LRCH3: variants seen among roughly 807,000 people sequenced by gnomAD.
The protein encoded by LRCH3 is DISP complex protein LRCH3.
LRCH3 carries 68 observed loss-of-function variants against 104.5 expected under a neutral mutation model. The ratio of observed to expected loss-of-function variants is 0.65; its 90% CI spans 0.54 to 0.80. LRCH3 has a LOEUF of 0.80. LRCH3 is among the 30% of genes least tolerant of loss of function. The pLI is 0.00. For missense variants in LRCH3, 951 were observed against 953.9 expected (o/e 1.00, Z 0.04); for synonymous variants, 344 against 361.3 (o/e 0.95, Z 0.54).
intron 1 of LRCH3, among the ~76,000 whole-genome samples, chr3:197,800,200 CAAAA>C (rs1374120859): frequency 7.1e-6 from 1 of 140,814 alleles, no homozygotes; most frequent in Non-Finnish European, 1.6e-5. Flanking sequence ...GAGACTGTCT[CAAAA>C]AAAAAAACCC....
At chr3:197,805,711 G>A (rs898767437) in intron 1 of LRCH3, among the ~76,000 whole-genome samples, 1 of 151,628 alleles carries the variant, frequency 6.6e-6, no homozygotes, top group Admixed American at 6.6e-5. Context: ...CCGACATGCA[G>A]AATGGTAAGA....
At chr3:197,818,180 G>A (rs1734077110) in intron 3 of LRCH3, among the ~76,000 whole-genome samples, 1 of 151,984 alleles carries the variant, frequency 6.6e-6, no homozygotes, top group Non-Finnish European at 1.5e-5. Context: ...CACTTCTTGA[G>A]TATTTACCTT....
intron 1 of LRCH3, among the ~76,000 whole-genome samples, chr3:197,813,722 G>A (rs1479661139): frequency 6.6e-6 from 1 of 151,436 alleles, no homozygotes; most frequent in African/African-American, 2.4e-5. Flanking sequence ...GTAGAGATGG[G>A]GTTTCACCAT....
chr3:197,796,819 C>T (rs888287040), intron 1 of LRCH3, among the ~76,000 whole-genome samples: 3 of 152,100 alleles, frequency 2.0e-5, no homozygotes, highest in Non-Finnish European at 4.4e-5. Flanking sequence ...ATAATTATAC[C>T]GACAAGTTGG....
chr3:197,866,582 T>C (rs73892156), intron 17 of LRCH3, among the ~76,000 whole-genome samples: 223 of 152,354 alleles, frequency 1.5e-3, no homozygotes, highest in African/African-American at 5.2e-3. Flanking sequence ...TTAAGTCTCA[T>C]GTTCTTTTAG....
intron 20 of LRCH3, chr3:197,880,520 T>A: frequency 6.5e-7 from 1 of 1,536,146 alleles, no homozygotes; most frequent in Non-Finnish European, 8.7e-7. Context: ...AGGACAATCT[T>A]TGTTCCCCTT....
intron 4 of LRCH3, among the ~76,000 whole-genome samples, chr3:197,824,994 A>G (rs760231289): frequency 1.7e-4 from 26 of 152,220 alleles, no homozygotes; most frequent in Non-Finnish European, 3.1e-4. Flanking sequence ...GTCATGGGAG[A>G]ACATATTTTT....
At chr3:197,860,895 C>T (rs1740799715) in intron 15 of LRCH3, among the ~76,000 whole-genome samples, 1 of 151,956 alleles carries the variant, frequency 6.6e-6, no homozygotes, top group Non-Finnish European at 1.5e-5. Context: ...CCCCCACCCT[C>T]CCACTACCCT....
rs749310642 is a variant in LRCH3 at position 197,830,824 on chromosome 3, T to C, written c.942T>C (p.Asn314=). 1.9e-6 allele frequency: 3 copies of C among 1,613,972 alleles called. No homozygotes were observed. In the African/African-American group the frequency reaches 4.0e-5, roughly 22 times the overall value. ...ATGGAGCCCTTGATTCAGGCTTCAA[T>C]AGTGTGGACAGTGGTGATAAGAGAT... is the stretch of plus-strand genomic sequence containing the variant. ...RPYGALDSGF[N]SVDSGDKRWS... Residue 314 remains asparagine, a synonymous_variant, in exon 7 of 21, where the codon AAT becomes AAC. Transcript: ENST00000425562.
chr3:197,869,922 C>T (rs1212255399), intron 17 of LRCH3, among the ~76,000 whole-genome samples: 2 of 150,448 alleles, frequency 1.3e-5, no homozygotes, highest in African/African-American at 4.9e-5. Flanking sequence ...ATGCACTGTA[C>T]CTGCAGGAGG....
At chr3:197,877,490 G>A (rs866076551) in intron 20 of LRCH3, among the ~76,000 whole-genome samples, 169 of 80,092 alleles carry the variant, frequency 2.1e-3, no homozygotes, top group African/African-American at 5.9e-3. Flanking sequence ...CGCACCCATG[G>A]CAGTGATTCT....
intron 4 of LRCH3, among the ~76,000 whole-genome samples, chr3:197,821,914 T>G (rs1285985401): frequency 6.6e-6 from 1 of 152,204 alleles, no homozygotes; most frequent in African/African-American, 2.4e-5. Flanking sequence ...GGTCAAGAGA[T>G]CCACTTGCCT....
At chr3:197,795,919 C>T (rs1731160418) in intron 1 of LRCH3, among the ~76,000 whole-genome samples, 1 of 151,910 alleles carries the variant, frequency 6.6e-6, no homozygotes, top group Admixed American at 6.6e-5. Flanking sequence ...TCTCAATCTC[C>T]TGACCTTGTG....
At chr3:197,816,819 CTTT>C (rs888203887) in intron 2 of LRCH3, among the ~76,000 whole-genome samples, 2 of 151,860 alleles carry the variant, frequency 1.3e-5, no homozygotes, top group African/African-American at 4.8e-5. Flanking sequence ...TATTATCCAC[CTTT>C]TAAAAAATCT....
chr3:197,866,251 G>A (rs763183852), intron 17 of LRCH3, 32 bp downstream of exon 17: 11 of 1,530,914 alleles, frequency 7.2e-6, no homozygotes, highest in Admixed American at 6.7e-5. Flanking sequence ...AGCCAGGAGC[G>A]AGGGGAGGTT....
chr3:197,881,244 C>T (rs998153699), intron 20 of LRCH3: 26 of 995,016 alleles, frequency 2.6e-5, no homozygotes, highest in South Asian at 8.9e-5. Context: ...CCTGAATCCC[C>T]GCTTTGTCGG....
chr3:197,875,571 C>G (rs1161531690), intron 19 of LRCH3, 127 bp from the exon 20 acceptor site: 8 of 637,924 alleles, frequency 1.3e-5, no homozygotes, highest in Non-Finnish European at 1.9e-5. Flanking sequence ...GGAGGATCAC[C>G]TGAGCCTGGG....
intron 1 of LRCH3, among the ~76,000 whole-genome samples, chr3:197,806,589 C>T (rs1352537143): frequency 6.6e-6 from 1 of 151,796 alleles, no homozygotes; most frequent in African/African-American, 2.4e-5. Context: ...AAGAAAAGGG[C>T]ATAGGAATGC....
chr3:197,853,595 C>T (rs1044803459), intron 13 of LRCH3, among the ~76,000 whole-genome samples: 8 of 152,102 alleles, frequency 5.3e-5, no homozygotes, highest in African/African-American at 1.9e-4. Context: ...ATTTGAAAAC[C>T]TAACACGTGG....
Sources: allele counts gnomAD v4.1 joint callset (sites outside exome capture counted in the v4.1 genomes callset), GRCh38; gene constraint gnomAD v4.1.1; transcripts MANE v1.5; gene names NCBI Gene and HGNC (gene_info 2026-07-23, HGNC 2026-07-21).